The following SLC2A9 variants were observed in gnomAD, a reference collection of about 807,000 sequenced individuals.
The protein encoded by SLC2A9 is solute carrier family 2, facilitated glucose transporter member 9.
Under a neutral mutation model 50.6 loss-of-function variants are expected in SLC2A9, and 39 were observed. The ratio of observed to expected loss-of-function variants is 0.77; its 90% CI spans 0.60 to 1.01. SLC2A9 has a LOEUF of 1.01. SLC2A9 is among the 50% of genes least tolerant of loss of function. The probability of loss-of-function intolerance (pLI) is 0.00; values close to 1 mark genes in which losing one functional copy is unlikely to be tolerated. For synonymous variants in SLC2A9, 324 were observed against 276.9 expected (o/e 1.17, Z -1.69); for missense variants, 686 against 677.6 (o/e 1.01, Z -0.14).
chr4:9,895,417 C>T (rs774473440), intron 8 of SLC2A9, among the ~76,000 whole-genome samples: 1 of 152,208 alleles, frequency 6.6e-6, no homozygotes, highest in Non-Finnish European at 1.5e-5. Context: ...GGGATTAGAG[C>T]GAACGTGGTA....
intron 3 of SLC2A9, chr4:9,782,427 T>G: frequency 1.9e-6 from 3 of 1,613,998 alleles, no homozygotes; most frequent in South Asian, 1.1e-5. Flanking sequence ...AACCTGTGCG[T>G]CATCAGCGTG....
At chr4:9,906,386 G>A (rs1740667323) in intron 8 of SLC2A9, among the ~76,000 whole-genome samples, 2 of 152,170 alleles carry the variant, frequency 1.3e-5, no homozygotes, top group African/African-American at 4.8e-5. Context: ...CAGCACTAGT[G>A]TTAATTCAGG....
At chr4:9,999,176 T>A (rs1180364998) in intron 2 of SLC2A9, among the ~76,000 whole-genome samples, 1 of 151,306 alleles carries the variant, frequency 6.6e-6, no homozygotes, top group Non-Finnish European at 1.5e-5. Flanking sequence ...GCCTCCCGAG[T>A]AGCTGAGACA....
intron 3 of SLC2A9, chr4:9,782,413 C>A (rs1718562585): frequency 6.2e-7 from 1 of 1,613,912 alleles, no homozygotes; most frequent in African/African-American, 1.3e-5. Context: ...CTGCCTCCAT[C>A]CTGAACCTGT....
intron 2 of SLC2A9, among the ~76,000 whole-genome samples, chr4:9,999,249 G>C (rs1759336859): frequency 6.6e-6 from 1 of 151,896 alleles, no homozygotes; most frequent in Admixed American, 6.6e-5. Context: ...CTTGTACAAA[G>C]GAGGTCTCGC....
chr4:9,979,313 A>G (rs1213236978), intron 5 of SLC2A9, among the ~76,000 whole-genome samples: 1 of 152,172 alleles, frequency 6.6e-6, no homozygotes, highest in African/African-American at 2.4e-5. Context: ...TAACTGCTCT[A>G]GGACGTGCGA....
At chr4:9,789,385 G>A (rs1719622343) in intron 3 of SLC2A9, among the ~76,000 whole-genome samples, 1 of 152,214 alleles carries the variant, frequency 6.6e-6, no homozygotes. Flanking sequence ...TAAGAGCTGA[G>A]AGTACAGGGC....
intron 3 of SLC2A9, chr4:9,782,523 G>A (rs1560111717): frequency 6.2e-7 from 1 of 1,613,990 alleles, no homozygotes. Flanking sequence ...GGCCTGGCAT[G>A]GACCTTGTCC....
At position 9,920,471 on chromosome 4, in the gene SLC2A9, C is replaced by T. The variant is rs561513236; in HGVS notation, c.916G>A (p.Glu306Lys). ...QRSIRLVSVL[E>K]LLRAPYVRWQ... ...CGGACGTAGGGAGCTCTCAGCAGCTCCAGCACGGACACCAGGCGGATGCTC... is the reference window on the plus strand; with the variant it reads ...CGGACGTAGGGAGCTCTCAGCAGCTTCAGCACGGACACCAGGCGGATGCTC... The change falls in exon 7 of 12, where the codon GAG becomes AAG. Residue 306 changes from glutamate to lysine, a missense_variant. Transcript: ENST00000264784. 1.9e-6 allele frequency: 3 copies of T among 1,614,178 alleles called. No individual in the cohort carries two copies. Among genetic ancestry groups the T allele is most frequent in the East Asian group, 4.5e-5 (2 of 44,874 alleles).
At chr4:9,916,204 G>GGAGT (rs1742818254) in intron 7 of SLC2A9, among the ~76,000 whole-genome samples, 1 of 152,168 alleles carries the variant, frequency 6.6e-6, no homozygotes, top group Non-Finnish European at 1.5e-5. Flanking sequence ...AAGGAAGGGA[G>GGAGT]GAGTACACAA....
chr4:9,953,105 A>C (rs975056676), intron 5 of SLC2A9, among the ~76,000 whole-genome samples: 1 of 152,248 alleles, frequency 6.6e-6, no homozygotes, highest in African/African-American at 2.4e-5. Flanking sequence ...TTAATTCTTC[A>C]GATCCTAAAA....
chr4:9,834,864 CT>C lies in SLC2A9; in HGVS notation c.1419+16del, dbSNP rs762153562. ...CAAAGGGAACCCCATGGGCAAAAGA[CT>C]CCTTGTCAGTCATACCTGAATGAAT... On this transcript the variant is annotated intron_variant, in intron 11 of 11. Transcript: ENST00000264784. 2.9e-5 allele frequency: 47 copies of C among 1,614,024 alleles called. No homozygotes were observed. The highest frequency in any genetic ancestry group is 3.8e-5 in the Non-Finnish European group (45 of 1,180,032).
At chr4:9,786,793 C>G (rs1315543962) in intron 3 of SLC2A9, among the ~76,000 whole-genome samples, 1 of 152,192 alleles carries the variant, frequency 6.6e-6, no homozygotes, top group African/African-American at 2.4e-5. Flanking sequence ...ACTTTGCACC[C>G]TGCACCCCCA....
chr4:9,861,240 G>T (rs1037960798), intron 10 of SLC2A9, among the ~76,000 whole-genome samples: 1 of 152,126 alleles, frequency 6.6e-6, no homozygotes, highest in African/African-American at 2.4e-5. Flanking sequence ...AGGCAAAGGA[G>T]AAGTGAGGTG....
intron 3 of SLC2A9, among the ~76,000 whole-genome samples, chr4:9,989,330 GTT>G (rs1245749834): frequency 2.0e-5 from 3 of 152,148 alleles, no homozygotes; most frequent in African/African-American, 7.2e-5. Context: ...CTCAAGAAGG[GTT>G]AAGGCTCCCC....
chr4:9,875,638 AG>A (rs1048865432), intron 10 of SLC2A9, among the ~76,000 whole-genome samples: 8 of 152,206 alleles, frequency 5.3e-5, no homozygotes, highest in African/African-American at 1.4e-4. Context: ...TCAAACTGAT[AG>A]GAAGTGGAAT....
Position 9,791,465 on chromosome 4 carries a change from T to G in SLC2A9, n.386-11400A>C, listed in dbSNP as rs144814454. 3.3e-3 allele frequency among the ~76,000 whole-genome samples: 510 copies of G among 152,268 alleles called. 4 individuals are homozygous for G. Among genetic ancestry groups the G allele is most frequent in the African/African-American group, 0.012 (483 of 41,556 alleles). On this transcript the variant is annotated intron_variant and non_coding_transcript_variant, in intron 3 of 3. Coordinates refer to the SLC2A9 transcript ENST00000503803. Reference sequence around the variant, plus strand: ...AGAAGTCCCCACCCCAATGCCTGATTTGATGAGATTCTGAACTTTAGTTGA... The same window carrying G: ...AGAAGTCCCCACCCCAATGCCTGATGTGATGAGATTCTGAACTTTAGTTGA...
chr4:9,991,982 C>T lies in SLC2A9; in HGVS notation c.410+4799G>A, dbSNP rs141919662. Among the ~76,000 whole-genome samples, 619 of 152,336 alleles carry T rather than the reference C, an allele frequency of 4.1e-3. 1 individual carries two copies. The highest frequency in any genetic ancestry group is 0.014 in the African/African-American group (579 of 41,572). On this transcript the variant is annotated intron_variant, in intron 3 of 11. Transcript: ENST00000264784. ...CCTCCAGCAGGCACCTAGAGAGACA[C>T]AGTTATTTTCTACTACTATAAAATA...
At chr4:10,015,742 C>A (rs985428397) in intron 2 of SLC2A9, among the ~76,000 whole-genome samples, 1 of 152,186 alleles carries the variant, frequency 6.6e-6, no homozygotes, top group African/African-American at 2.4e-5. Context: ...AATCCACCGG[C>A]ACTTTGATTT....
Sources: gnomAD v4.1 joint callset for allele counts (sites outside exome capture counted in the v4.1 genomes callset) on GRCh38, gnomAD v4.1.1 for gene constraint, MANE v1.5 for transcripts, NCBI Gene and HGNC (gene_info 2026-07-23, HGNC 2026-07-21) for gene names.